The following COL5A1 variants were observed in gnomAD, a reference collection of about 807,000 sequenced individuals.
COL5A1 encodes collagen alpha-1(V) chain.
COL5A1 carries 16 observed loss-of-function variants against 263.7 expected under a neutral mutation model. That is an observed-to-expected ratio of 0.06 (90% confidence interval 0.04 to 0.09). COL5A1 has a LOEUF of 0.09. Ranked by LOEUF, COL5A1 falls within the 10% of genes least tolerant of loss-of-function variation. COL5A1 has a pLI of 1.00. For missense variants in COL5A1, 2,036 were observed against 2,540.5 expected, an observed-to-expected ratio of 0.80 and a Z score of 4.27; for synonymous variants, 1,012 against 1,004.5, an observed-to-expected ratio of 1.01 and a Z score of -0.14.
At position 134,741,358 on chromosome 9, in the gene COL5A1, T is replaced by G. The variant is rs1011513915; in HGVS notation, c.1494+2550T>G. Among the ~76,000 whole-genome samples, 8 of 152,120 alleles carry G rather than the reference T, an allele frequency of 5.3e-5. No individual in the cohort carries two copies. Among genetic ancestry groups the G allele is most frequent in the Admixed American group, 2.6e-4 (4 of 15,264 alleles). On this transcript the variant is annotated intron_variant, in intron 11 of 65. Transcript: ENST00000371817. This position sits in a 1 kb window ranked among gnomAD's most constrained non-coding sequence, Gnocchi z 4.5. The stretch of plus-strand genomic sequence containing the variant: ...AGAAGTAAAAACCAAAAAAAGTGCT[T>G]GGGTTCGGGAGCATATATACCATTT...
At position 134,805,146 on chromosome 9, in the gene COL5A1, T is replaced by A. The variant is rs1838251475; in HGVS notation, c.3205-15T>A. 6.2e-7 allele frequency: 1 copy of A among 1,613,874 alleles called. No homozygotes were observed. Among genetic ancestry groups the A allele is most frequent in the African/African-American group, 1.3e-5 (1 of 74,976 alleles). On this transcript the variant is annotated splice_polypyrimidine_tract_variant and intron_variant, in intron 40 of 65. Transcript: ENST00000371817. ...TCCCCACGTGCCCTTGACCAACCTT[T>A]TCATGGCTTTGCAGGGAGCTCTTGG... is the stretch of plus-strand genomic sequence containing the variant.
In COL5A1 at chr9:134,758,188, G is replaced by A; in HGVS notation, c.1882-55G>A. On this transcript the variant is annotated intron_variant, in intron 17 of 65. Coordinates refer to ENST00000371817, the MANE Select transcript of COL5A1 (RefSeq NM_000093.5). The surrounding 1 kb of genome is among the most constrained non-coding windows in gnomAD (Gnocchi z 4.1). ...CCATCACTTGGTGGACACCAAGGCGGGGTGTCCACGTGTGCAGGGTGGCGT... is the reference window on the plus strand; with the variant it reads ...CCATCACTTGGTGGACACCAAGGCGAGGTGTCCACGTGTGCAGGGTGGCGT... The A allele has an allele frequency of 1.3e-6, 2 of 1,579,618 alleles. No homozygotes were observed. The highest frequency in any genetic ancestry group is 3.3e-5 in the Admixed American group (2 of 59,972).
rs1400725685 is a variant in COL5A1 at position 134,824,872 on chromosome 9, G to A, written c.4954+17G>A. On this transcript the variant is annotated intron_variant, in intron 62 of 65. Coordinates refer to ENST00000371817, the MANE Select transcript of COL5A1 (RefSeq NM_000093.5). ...TCCCAGATGGTGAGGGCCTGGGGGG[G>A]CAGGGGTGGCCCCCCAAAGCGGGCA... 6.2e-7 allele frequency: 1 copy of A among 1,604,226 alleles called. No individual in the cohort carries two copies. The highest frequency in any genetic ancestry group is 1.1e-5 in the South Asian group (1 of 90,288).
intron 31 of COL5A1, among the ~76,000 whole-genome samples, chr9:134,786,992 G>A (rs1837484547): frequency 6.6e-6 from 1 of 152,190 alleles, no homozygotes; most frequent in Non-Finnish European, 1.5e-5. Context: ...CCTGCTCCGT[G>A]TGTGTGGATG....
At chr9:134,750,674 C>T in intron 12 of COL5A1, 58 bp downstream of exon 12, 2 of 1,601,236 alleles carry the variant, frequency 1.2e-6, no homozygotes, top group East Asian at 4.5e-5. Context: ...GGATCCAAAC[C>T]AGACCCTCTG....
At chr9:134,807,003 C>T (rs961201605) in intron 42 of COL5A1, among the ~76,000 whole-genome samples, 2 of 152,276 alleles carry the variant, frequency 1.3e-5, no homozygotes, top group Admixed American at 6.5e-5. Context: ...GATGAGCGAG[C>T]GCCCTTTTTG....
intron 1 of COL5A1, among the ~76,000 whole-genome samples, chr9:134,672,539 A>AAGCCCCTCAATTTGATAAAGGACATTC (rs1832566026): frequency 6.6e-6 from 1 of 152,258 alleles, no homozygotes; most frequent in African/African-American, 2.4e-5. Context: ...AATAAAAGAG[A>AAGCCCCTCAATTTGATAAAGGACATTC]AGCCCCTCAA....
At position 134,843,677 on chromosome 9, in the gene COL5A1, TG is replaced by T. The variant is rs1830167254; in HGVS notation, c.*1375del. On this transcript the variant is annotated 3_prime_UTR_variant, in exon 66 of 66. Transcript: ENST00000371817. ...AAGCCTCTTCCTGCATTGTCTGTGG[TG>T]TGACCATAGCAGATTATATTTGGTT... 6.5e-6 allele frequency: 1 copy of T among 152,694 alleles called. No individual in the cohort carries two copies. The highest frequency in any genetic ancestry group is 1.5e-5 in the Non-Finnish European group (1 of 68,060). 9.5% of individuals were successfully genotyped at this position (152,694 alleles called of 1,614,324 possible).
chr9:134,810,481 G>A (rs957924144), intron 44 of COL5A1, 173 bp downstream of exon 44: 20 of 624,448 alleles, frequency 3.2e-5, no homozygotes, highest in South Asian at 1.0e-4. Context: ...GTGCACACGC[G>A]TGCATATCTG....
chr9:134,650,438 C>T (rs1454534902), intron 1 of COL5A1, among the ~76,000 whole-genome samples: 1 of 152,236 alleles, frequency 6.6e-6, no homozygotes. Context: ...GTTTGCTTGG[C>T]AGCATTTATG....
At chr9:134,768,927 T>C (rs1397493219) in intron 25 of COL5A1, among the ~76,000 whole-genome samples, 1 of 152,088 alleles carries the variant, frequency 6.6e-6, no homozygotes, top group African/African-American at 2.4e-5. Flanking sequence ...AGATTCTGCC[T>C]GGAAATAGCG....
intron 4 of COL5A1, among the ~76,000 whole-genome samples, chr9:134,710,713 G>A (rs1834006164): frequency 7.1e-6 from 1 of 141,228 alleles, no homozygotes; most frequent in African/African-American, 2.7e-5. Flanking sequence ...GTGCAGTGGT[G>A]GGGGAGGAGC....
intron 1 of COL5A1, among the ~76,000 whole-genome samples, chr9:134,654,596 A>AGGGCTGGGG (rs1831861182): frequency 2.9e-4 from 4 of 13,802 alleles, no homozygotes; most frequent in East Asian, 2.9e-3. Context: ...TAGGGCTGGG[A>AGGGCTGGGG]GTGTGTAGGG....
In COL5A1 at chr9:134,789,281, C is replaced by T. The variant is rs1837587954; in HGVS notation, c.2700+73C>T. On this transcript the variant is annotated intron_variant, in intron 32 of 65. Transcript: ENST00000371817. The surrounding 1 kb of genome is among the most constrained non-coding windows in gnomAD (Gnocchi z 4.8). ...GTGCCTAGCAAGTTGGTTCTCCAGC[C>T]GACGGCCTGTTTATTTCTCACTCTC... 6.4e-6 allele frequency: 8 copies of T among 1,253,884 alleles called. No homozygotes were observed. The highest frequency in any genetic ancestry group is 2.9e-5 in the African/African-American group (2 of 68,108). 77.7% of individuals were successfully genotyped at this position (1,253,884 alleles called of 1,614,324 possible).
intron 8 of COL5A1, 91 bp from the exon 9 acceptor site, chr9:134,731,980 C>T (rs1834899750): frequency 1.4e-6 from 2 of 1,455,804 alleles, no homozygotes; most frequent in Non-Finnish European, 9.7e-7. Context: ...TGCCCTCGGC[C>T]TTGCGAAATC....
chr9:134,666,603 G>A (rs1334232653), intron 1 of COL5A1, among the ~76,000 whole-genome samples: 1 of 152,166 alleles, frequency 6.6e-6, no homozygotes, highest in African/African-American at 2.4e-5. Flanking sequence ...GCTCGTGAAG[G>A]TCAAGGCCTT....
rs1179548488 is a variant in COL5A1, at chr9:134,642,177, G to T, written c.-11G>T. On this transcript the variant is annotated 5_prime_UTR_variant, in exon 1 of 66. Transcript: ENST00000371817. The surrounding 1 kb of genome is among the most constrained non-coding windows in gnomAD (Gnocchi z 4.5). Reference sequence around the variant, plus strand: ...AGCGCCCCTGTGCGCCCCGGCCCGCGCCCCGCCGGCATGGACGTCCATACC... The same window carrying T: ...AGCGCCCCTGTGCGCCCCGGCCCGCTCCCCGCCGGCATGGACGTCCATACC... The T allele has an allele frequency of 8.0e-7, 1 of 1,255,556 alleles. No homozygotes were observed. Among genetic ancestry groups the T allele is most frequent in the Non-Finnish European group, 1.0e-6 (1 of 1,004,514 alleles). The allele number at this position is 1,255,556 out of a possible 1,614,324, so 77.8% of individuals were successfully genotyped here. A position where few individuals can be genotyped will look rare whatever the true frequency, so the allele number is the denominator to read the frequency against.
rs1837857832 is a variant in COL5A1 at position 134,795,252 on chromosome 9, A to G, written c.2746-10A>G. The G allele has an allele frequency of 2.5e-6, 4 of 1,613,864 alleles. No homozygotes were observed. The highest frequency in any genetic ancestry group is 2.2e-5 in the East Asian group (1 of 44,848). On this transcript the variant is annotated splice_polypyrimidine_tract_variant and intron_variant, in intron 33 of 65. Transcript: ENST00000371817. ...CTTGAGCTGACCTTCCTTCTCTCCC[A>G]TCTGTCCAGGGTCCGAGGGGTGAAA... is the stretch of plus-strand genomic sequence containing the variant.
chr9:134,763,261 G>A (rs1836534635), intron 19 of COL5A1, among the ~76,000 whole-genome samples: 1 of 152,222 alleles, frequency 6.6e-6, no homozygotes, highest in East Asian at 1.9e-4. Context: ...GCAGCCAGGA[G>A]GAAGCCTCTT....
Sources: allele counts gnomAD v4.1 joint callset (sites outside exome capture counted in the v4.1 genomes callset), GRCh38; gene constraint gnomAD v4.1.1; non-coding constraint Gnocchi (gnomAD v3.1); transcripts MANE v1.5; gene names NCBI Gene and HGNC (gene_info 2026-07-23, HGNC 2026-07-21).